FAT2: variants seen among roughly 807,000 people sequenced by gnomAD.
FAT2 encodes the protein FAT atypical cadherin 2.
A neutral mutation model predicts 295.3 loss-of-function variants in FAT2; 150 were observed. The ratio of observed to expected loss-of-function variants is 0.51; its 90% CI spans 0.44 to 0.58. FAT2 has a LOEUF of 0.58. Among genes scored for constraint, FAT2 ranks in the 20% least tolerant of loss-of-function variants. The pLI is 0.00. For synonymous variants in FAT2, 2,026 were observed against 2,150.3 expected (o/e 0.94, Z 1.60); for missense variants, 4,868 against 5,442.7 (o/e 0.89, Z 3.32).
chr5:151,540,112 G>A (rs1433559655), intron 11 of FAT2, among the ~76,000 whole-genome samples: 2 of 152,206 alleles, frequency 1.3e-5, no homozygotes, highest in African/African-American at 4.8e-5. Context: ...TTTGGAGAAT[G>A]CTTATGTTAC....
intron 12 of FAT2, among the ~76,000 whole-genome samples, chr5:151,537,379 G>A (rs1057326214): frequency 6.5e-5 from 9 of 137,918 alleles, no homozygotes; most frequent in African/African-American, 8.0e-5. Flanking sequence ...AAGAAACAAC[G>A]AACAACGAAA....
intron 1 of FAT2, among the ~76,000 whole-genome samples, chr5:151,573,058 C>A (rs1758598463): frequency 6.6e-6 from 1 of 152,178 alleles, no homozygotes; most frequent in African/African-American, 2.4e-5. Context: ...CATGAATGGA[C>A]CCTTTTAGGA....
intron 12 of FAT2, among the ~76,000 whole-genome samples, chr5:151,536,192 A>G (rs928723127): frequency 2.7e-5 from 4 of 150,802 alleles, no homozygotes; most frequent in Non-Finnish European, 5.9e-5. Flanking sequence ...TCAATTTTAT[A>G]CCATGAACAT....
Position 151,521,494 on chromosome 5 carries a change from G to T in FAT2, c.11099C>A (p.Ala3700Glu), listed in dbSNP as rs764916395. 2 of 1,614,236 alleles carry T rather than the reference G, an allele frequency of 1.2e-6. No homozygotes were observed. Among genetic ancestry groups the T allele is most frequent in the South Asian group, 1.1e-5 (1 of 91,090 alleles). The change falls in exon 19 of 24, where the codon GCA becomes GAA. Residue 3700 changes from alanine to glutamate, a missense_variant. Physicochemically the swap from Ala to Glu is moderately radical, Grantham distance 107. Coordinates refer to ENST00000261800, the MANE Select transcript of FAT2 (RefSeq NM_001447.3). ...CTTGGCTGAGTGAGTGATGATGGAT[G>T]CTAGCTCCTGAAACTCGTAGAAGGT... ...SGTFYEFQELASIITHSAKEM... is the reference protein window; with the variant it reads ...SGTFYEFQELESIITHSAKEM...
chr5:151,534,729 C>T, intron 12 of FAT2, 87 bp from the exon 13 acceptor site: 1 of 1,149,308 alleles, frequency 8.7e-7, no homozygotes, highest in South Asian at 1.4e-5. Flanking sequence ...GGAGACAAAC[C>T]CAGCCACACA....
At chr5:151,529,526 C>T (rs1434473553) in intron 14 of FAT2, 134 bp from the exon 15 acceptor site, 3 of 664,876 alleles carry the variant, frequency 4.5e-6, no homozygotes, top group Non-Finnish European at 5.3e-6. Flanking sequence ...GTCATCTCCC[C>T]ATCCATCTCC....
In FAT2 at chr5:151,505,710, A is replaced by T. The variant is rs2127562251; in HGVS notation, c.12905T>A (p.Leu4302His). The T allele has an allele frequency of 6.2e-7, 1 of 1,613,942 alleles. No homozygotes were observed. Among genetic ancestry groups the T allele is most frequent in the Non-Finnish European group, 8.5e-7 (1 of 1,179,888 alleles). Residue 4302 changes from leucine to histidine, a missense_variant, in exon 24 of 24, where the codon CTC (leucine) becomes CAC (histidine). Transcript: ENST00000261800. ...DGGYKGVGMRLSRAGPSYAVC... is the reference protein window; with the variant it reads ...DGGYKGVGMRHSRAGPSYAVC... ...AGCATAAGAGGGCCCAGCTCGGCTG[A>T]GGCGCATACCCACCCCCTTGTAGCC...
In FAT2 at chr5:151,566,573, T is replaced by A. The variant is rs768823935; in HGVS notation, c.2359A>T (p.Ile787Phe). 3.7e-6 allele frequency: 6 copies of A among 1,614,066 alleles called. No individual in the cohort carries two copies. The highest frequency in any genetic ancestry group is 2.7e-5 in the African/African-American group (2 of 75,006). The change falls in exon 2 of 24, where the codon ATC becomes TTC. Residue 787 changes from isoleucine (I) to phenylalanine (F), a missense_variant. Coordinates refer to ENST00000261800, the MANE Select transcript of FAT2 (RefSeq NM_001447.3). ...AGGTCATATACTGTTACATTGAGGA[T>A]GTAGAAATTGGTGGCTTCATAGTCC... ...PLDYEATNFY[I>F]LNVTVYDLGT... is the part of the protein sequence containing the mutation.
Position 151,543,244 on chromosome 5 carries a change from T to C in FAT2, c.7883A>G (p.Asp2628Gly), listed in dbSNP as rs1756330042. The C allele has an allele frequency of 5.6e-6, 9 of 1,614,046 alleles. No homozygotes were observed. The East Asian group carries it at 2.0e-4, about 36-fold the overall frequency. The change falls in exon 10 of 24, where the codon GAC (aspartate) becomes GGC (glycine). Residue 2628 changes from aspartate to glycine, a missense_variant. Coordinates refer to ENST00000261800, the MANE Select transcript of FAT2 (RefSeq NM_001447.3). ...AATTTCAATGACATCTTTAACTAGG[T>C]CCTCTGGGTTCACTGAGTAGGTGAC... ...ADVTYSVNPE[D>G]LVKDVIEINP...
At chr5:151,553,913 A>G (rs1046919492) in intron 5 of FAT2, among the ~76,000 whole-genome samples, 3 of 152,210 alleles carry the variant, frequency 2.0e-5, no homozygotes, top group African/African-American at 7.2e-5. Flanking sequence ...GCTAGCAATG[A>G]GACTGGGGTT....
chr5:151,549,028 C>T (rs1056505190), intron 9 of FAT2, among the ~76,000 whole-genome samples: 7 of 152,170 alleles, frequency 4.6e-5, no homozygotes, highest in Admixed American at 3.9e-4. Context: ...ATATCTTCTA[C>T]ATGTTTGGTC....
intron 20 of FAT2, among the ~76,000 whole-genome samples, chr5:151,515,349 T>C (rs985238864): frequency 6.6e-6 from 1 of 152,232 alleles, no homozygotes; most frequent in African/African-American, 2.4e-5. Flanking sequence ...CTACTCTCTC[T>C]TCAATCTACA....
chr5:151,567,487 GC>G lies in FAT2; in HGVS notation c.1444del (p.Ala482ProfsTer44). ...ATTTTCCCCATGATCCCGGTCAGTG[GC>G]AGTCACAGCCAAAACACTGGTGCCT... ...PPGTSVLAVTATDRDHGENGY... is the reference protein window; with the variant it reads ...PPGTSVLAVTXTDRDHGENGY... On this transcript the variant is annotated frameshift_variant, in exon 2 of 24. Transcript: ENST00000261800. LOFTEE classifies it high-confidence loss of function. 6.2e-7 allele frequency: 1 copy of G among 1,614,142 alleles called. No homozygotes were observed. The highest frequency in any genetic ancestry group is 8.5e-7 in the Non-Finnish European group (1 of 1,180,018).
Position 151,545,317 on chromosome 5 carries a change from C to T in FAT2, c.5810G>A (p.Arg1937Gln), listed in dbSNP as rs145637545. ...VLNPAFLGLS[R>Q]KLTIRASDGL... ...ATCAGAAGCCCTGATGGTGAGCTTC[C>T]GAGAGAGTCCCAGGAAAGCAGGATT... Residue 1937 changes from arginine to glutamine, a missense_variant, in exon 10 of 24, where the codon CGG becomes CAG. Around this residue, in one of 5 missense-constraint regions of FAT2, gnomAD observed 3,297 missense variants for 3,669.4 expected, o/e 0.90. Transcript: ENST00000261800. 167 of 1,614,040 alleles carry T rather than the reference C, an allele frequency of 1.0e-4. No individual in the cohort carries two copies. The highest frequency in any genetic ancestry group is 4.3e-4 in the African/African-American group (32 of 75,000).
At chr5:151,555,496 G>T (rs527429354) in intron 4 of FAT2, among the ~76,000 whole-genome samples, 20 of 147,772 alleles carry the variant, frequency 1.4e-4, no homozygotes, top group African/African-American at 4.8e-4. Context: ...CAGCCTCCCC[G>T]GTAGCTGGGA....
At position 151,527,381 on chromosome 5, in the gene FAT2, T is replaced by C. The variant is rs1266041032; in HGVS notation, c.10165-4A>G. On this transcript the variant is annotated splice_region_variant and splice_polypyrimidine_tract_variant and intron_variant, in intron 16 of 23. Coordinates refer to ENST00000261800, the MANE Select transcript of FAT2 (RefSeq NM_001447.3). ...GCTTCAGGGAATAACTAGAGGCCTA[T>C]TGCAAAATGTCCAGTGGAGGTTAGC... The C allele has an allele frequency of 1.3e-6, 2 of 1,597,772 alleles. No individual in the cohort carries two copies. The highest frequency in any genetic ancestry group is 1.7e-6 in the Non-Finnish European group (2 of 1,169,924).
chr5:151,556,529 G>C, intron 3 of FAT2, 127 bp from the exon 4 acceptor site: 2 of 650,602 alleles, frequency 3.1e-6, no homozygotes, highest in South Asian at 3.8e-5. Context: ...AACATGTAAA[G>C]ACCATCCCTG....
At chr5:151,583,612 C>T (rs991814595) in intron 1 of FAT2, among the ~76,000 whole-genome samples, 4 of 152,124 alleles carry the variant, frequency 2.6e-5, no homozygotes, top group Non-Finnish European at 5.9e-5. Flanking sequence ...ATTTATTAAT[C>T]TGGGAGCTGG....
chr5:151,568,257 G>T lies in FAT2; in HGVS notation c.675C>A (p.Asp225Glu), dbSNP rs200307704. 7.9e-5 allele frequency: 127 copies of T among 1,614,058 alleles called. No individual in the cohort carries two copies. The highest frequency in any genetic ancestry group is 5.0e-5 in the Admixed American group (3 of 60,008). Reference protein sequence around the residue: ...GKHELQVLAVDRMRKISEGNG... With the variant: ...GKHELQVLAVERMRKISEGNG... ...TGCCCTCAGAGATTTTCCGCATGCG[G>T]TCCACAGCTAGCACCTGGAGCTCAT... The change falls in exon 2 of 24, where the codon GAC becomes GAA. Residue 225 changes from aspartate (D) to glutamate (E), a missense_variant. Asp to Glu is a conservative substitution (Grantham distance 45, BLOSUM62 2). This residue lies in a region of FAT2 where 3,297 missense variants were observed against 3,669.4 expected (regional missense o/e 0.90). Coordinates refer to ENST00000261800, the MANE Select transcript of FAT2 (RefSeq NM_001447.3).
Sources: gnomAD v4.1 joint callset for allele counts (sites outside exome capture counted in the v4.1 genomes callset) on GRCh38, gnomAD v4.1.1 for gene constraint, gnomAD v4.1.1 regional missense constraint, MANE v1.5 for transcripts, NCBI Gene and HGNC (gene_info 2026-07-23, HGNC 2026-07-21) for gene names.